The following CLIC5 variants were observed in gnomAD, a reference collection of about 807,000 sequenced individuals.
CLIC5 encodes the protein chloride intracellular channel protein 5.
A neutral mutation model predicts 24.7 loss-of-function variants in CLIC5; 20 were observed. That is an observed-to-expected ratio of 0.81 (90% CI 0.57 to 1.18). The LOEUF (loss-of-function observed/expected upper bound fraction) is 1.18, where lower values mean the gene tolerates loss of function less well. CLIC5 is among the 50% of genes most tolerant of loss of function. The pLI is 0.00. For synonymous variants in CLIC5, 159 were observed against 135.6 expected (o/e 1.17, Z -1.20); for missense variants, 341 against 326.1 (o/e 1.05, Z -0.35).
chr6:45,894,356 G>C (rs987143798), downstream of CLIC5, among the ~76,000 whole-genome samples: 1 of 152,094 alleles, frequency 6.6e-6, no homozygotes, highest in African/African-American at 2.4e-5. Context: ...TATTCTAAGG[G>C]AAAAATAGAC....
chr6:46,088,173 G>A, the CLIC5 span, among the ~76,000 whole-genome samples: 1 of 151,316 alleles, frequency 6.6e-6, no homozygotes, highest in Non-Finnish European at 1.5e-5. Flanking sequence ...GTGTGTGTGT[G>A]TGTGTGTGTG....
intron 1 of CLIC5, among the ~76,000 whole-genome samples, chr6:46,057,742 A>G (rs147872299): frequency 6.6e-6 from 1 of 152,226 alleles, no homozygotes; most frequent in African/African-American, 2.4e-5. Context: ...CACCCCTACA[A>G]ACTAGCCAGG....
At chr6:45,959,395 A>G (rs1295876138) in intron 1 of CLIC5, among the ~76,000 whole-genome samples, 3 of 152,220 alleles carry the variant, frequency 2.0e-5, no homozygotes, top group South Asian at 4.1e-4. Flanking sequence ...TATATTTTCT[A>G]AAAACAAGAA....
At chr6:45,950,424 G>T (rs1289697619) in intron 2 of CLIC5, among the ~76,000 whole-genome samples, 2 of 151,458 alleles carry the variant, frequency 1.3e-5, no homozygotes, top group Non-Finnish European at 2.9e-5. Flanking sequence ...ACAAAAATTT[G>T]CTGGGCATGG....
chr6:46,096,403 GCTA>G, the CLIC5 span, among the ~76,000 whole-genome samples: 3 of 152,226 alleles, frequency 2.0e-5, no homozygotes, highest in Non-Finnish European at 1.5e-5. Flanking sequence ...TGCAATGCTG[GCTA>G]CTACTTCTAT....
chr6:46,005,231 C>T (rs1227761324), intron 1 of CLIC5, among the ~76,000 whole-genome samples: 1 of 152,254 alleles, frequency 6.6e-6, no homozygotes, highest in Non-Finnish European at 1.5e-5. Flanking sequence ...ACATCCTCCC[C>T]TCCTTCCCCT....
chr6:46,082,154 G>A (rs944422425), upstream of CLIC5, among the ~76,000 whole-genome samples: 2 of 152,022 alleles, frequency 1.3e-5, no homozygotes, highest in African/African-American at 2.4e-5. Context: ...ATCTAACACT[G>A]GATTCTGTTT....
intron 1 of CLIC5, chr6:46,014,567 G>C (rs182806354): frequency 6.6e-5 from 10 of 152,308 alleles, no homozygotes; most frequent in Admixed American, 2.0e-4. Flanking sequence ...CCTGGCGACT[G>C]TTTCTGCTCA....
At chr6:45,981,663 G>A (rs2127414552) in intron 1 of CLIC5, among the ~76,000 whole-genome samples, 1 of 152,262 alleles carries the variant, frequency 6.6e-6, no homozygotes, top group East Asian at 1.9e-4. Context: ...GTTTTGGTGG[G>A]CATCTACCAA....
Position 45,984,420 on chromosome 6 carries a change from T to C in CLIC5, c.64-29176A>G, listed in dbSNP as rs186137233. 2.4e-3 allele frequency among the ~76,000 whole-genome samples: 362 copies of C among 152,304 alleles called. 7 individuals carry two copies. The highest frequency in any genetic ancestry group is 7.6e-3 in the African/African-American group (314 of 41,574). On this transcript the variant is annotated intron_variant, in intron 1 of 5. Coordinates refer to ENST00000339561, the MANE Select transcript of CLIC5 (RefSeq NM_016929.5). ...CGGAACCCAGCTTGACATTGACTTC[T>C]ACCCGGCTGTGTGGCTTTGAGACGA...
chr6:46,055,618 G>A lies in CLIC5; in HGVS notation c.540+24085C>T, dbSNP rs543928076. Among the ~76,000 whole-genome samples the A allele has an allele frequency of 2.0e-5, 3 of 152,332 alleles. No individual in the cohort carries two copies. The South Asian group carries it at 6.2e-4, about 32-fold the overall frequency. On this transcript the variant is annotated intron_variant, in intron 1 of 5. Coordinates refer to the CLIC5 transcript ENST00000185206. ...AAATACAAAATCTTTCTGAGCTGAA[G>A]ACCTGTGAAGGCAAGAACAGTGTCT...
intron 4 of CLIC5, among the ~76,000 whole-genome samples, chr6:45,930,608 C>G (rs968587280): frequency 1.3e-5 from 2 of 152,180 alleles, no homozygotes; most frequent in East Asian, 3.9e-4. Context: ...GATTCCTCTG[C>G]CTGCCAGAAG....
At chr6:45,898,026 G>A (rs1025127229), downstream of CLIC5, among the ~76,000 whole-genome samples, 5 of 151,322 alleles carry the variant, frequency 3.3e-5, no homozygotes, top group South Asian at 2.1e-4. Context: ...TGTGCTTTTC[G>A]TTTTCTTCTT....
chr6:46,112,211 A>G, the CLIC5 span, among the ~76,000 whole-genome samples: 2 of 152,216 alleles, frequency 1.3e-5, no homozygotes, highest in Admixed American at 1.3e-4. Context: ...TTGTATCAGT[A>G]GATAATCTGC....
At chr6:46,053,759 G>T (rs532016862) in intron 1 of CLIC5, among the ~76,000 whole-genome samples, 3 of 152,204 alleles carry the variant, frequency 2.0e-5, no homozygotes, top group East Asian at 1.9e-4. Context: ...AGTTGTTGTC[G>T]CAGTGGCTGC....
chr6:46,047,255 G>T (rs1417370457), intron 1 of CLIC5, among the ~76,000 whole-genome samples: 1 of 152,166 alleles, frequency 6.6e-6, no homozygotes, highest in Admixed American at 6.6e-5. Context: ...TATTTGTGTG[G>T]TCCTAAGTTA....
In CLIC5 at chr6:46,076,614, C is replaced by T. The variant is rs553787453; in HGVS notation, c.540+3089G>A. Among the ~76,000 whole-genome samples the T allele has an allele frequency of 3.3e-5, 5 of 152,270 alleles. No individual in the cohort carries two copies. The East Asian group carries it at 7.7e-4, about 24-fold the overall frequency. On this transcript the variant is annotated intron_variant, in intron 1 of 5. Coordinates refer to the CLIC5 transcript ENST00000185206. Reference sequence around the variant, plus strand: ...AGCCTCCAGAAGGAAAACAGCTCTGCTGACACCTTGAGTTTAGCCCCATAA... The same window carrying T: ...AGCCTCCAGAAGGAAAACAGCTCTGTTGACACCTTGAGTTTAGCCCCATAA...
At chr6:46,042,072 G>A (rs1285238970) in intron 1 of CLIC5, among the ~76,000 whole-genome samples, 1 of 152,108 alleles carries the variant, frequency 6.6e-6, no homozygotes, top group Non-Finnish European at 1.5e-5. Context: ...TGTTTTCTAG[G>A]AGAGAATAAT....
intron 2 of CLIC5, among the ~76,000 whole-genome samples, chr6:45,950,713 T>C (rs1764442973): frequency 6.6e-6 from 1 of 152,228 alleles, no homozygotes; most frequent in African/African-American, 2.4e-5. Flanking sequence ...CAGTTAAATG[T>C]GGGGAGAACC....
Sources: gnomAD v4.1 joint callset for allele counts (sites outside exome capture counted in the v4.1 genomes callset) on GRCh38, gnomAD v4.1.1 for gene constraint, MANE v1.5 for transcripts, NCBI Gene and HGNC (gene_info 2026-07-23, HGNC 2026-07-21) for gene names.